The following PCDHB9 variants were observed in gnomAD, a reference collection of about 807,000 sequenced individuals.
PCDHB9 encodes the protein protocadherin beta 9, also known as protocadherin beta-9.
For synonymous variants in PCDHB9, 501 were observed against 439.7 expected (o/e 1.14, Z -1.75); for missense variants, 1,072 against 995.1 (o/e 1.08, Z -1.04).
In PCDHB9 at chr5:141,188,526, T is replaced by C; in HGVS notation, c.1208T>C (p.Leu403Pro). The C allele has an allele frequency of 6.2e-7, 1 of 1,614,198 alleles. No homozygotes were observed. The highest frequency in any genetic ancestry group is 8.5e-7 in the Non-Finnish European group (1 of 1,180,030). The change falls in exon 1 of 1, where the codon CTA becomes CCA. Residue 403 changes from leucine (L) to proline (P), a missense_variant. Coordinates refer to ENST00000316105, the MANE Select transcript of PCDHB9 (RefSeq NM_019119.5). ...CCGTCTGTTGACAATTTTTACATCC[T>C]AATGACTGAAGGTGCACTGGACAGA... is the stretch of plus-strand genomic sequence containing the variant. ...LKPSVDNFYILMTEGALDRES... is the reference protein window; with the variant it reads ...LKPSVDNFYIPMTEGALDRES...
At position 141,187,692 on chromosome 5, in the gene PCDHB9, A is replaced by T. The variant is rs1044151963; in HGVS notation, c.374A>T (p.Asp125Val). The change falls in exon 1 of 1, where the codon GAT (aspartate) becomes GTT (valine). Residue 125 changes from aspartate to valine, a missense_variant. Physicochemically the swap from Asp to Val is radical, Grantham distance 152. Coordinates refer to ENST00000316105, the MANE Select transcript of PCDHB9 (RefSeq NM_019119.5). ...QIYRAELRVRDINDHSPVFRH... is the reference protein window; with the variant it reads ...QIYRAELRVRVINDHSPVFRH... ...TACCGGGCTGAGCTGAGAGTCAGGGATATAAATGATCACTCGCCAGTGTTT... is the reference window on the plus strand; with the variant it reads ...TACCGGGCTGAGCTGAGAGTCAGGGTTATAAATGATCACTCGCCAGTGTTT... The T allele has an allele frequency of 2.5e-6, 4 of 1,614,058 alleles. No individual in the cohort carries two copies. The African/African-American group carries it at 5.3e-5, about 22-fold the overall frequency.
In PCDHB9 at chr5:141,189,396, C is replaced by T; in HGVS notation, c.2078C>T (p.Ala693Val). 6.2e-7 allele frequency: 1 copy of T among 1,611,682 alleles called. No individual in the cohort carries two copies. The highest frequency in any genetic ancestry group is 8.5e-7 in the Non-Finnish European group (1 of 1,179,844). The change falls in exon 1 of 1, where the codon GCG becomes GTG. Residue 693 changes from alanine (A) to valine (V), a missense_variant. By Grantham distance (64) the Ala-to-Val change is moderately conservative (BLOSUM62 0). Coordinates refer to ENST00000316105, the MANE Select transcript of PCDHB9 (RefSeq NM_019119.5). ...ADLLTVYLVV[A>V]LASVSSLFLL... Reference sequence around the variant, plus strand: ...TTGCTCACCGTCTACCTGGTGGTGGCGTTGGCCTCGGTGTCTTCGCTCTTC... The same window carrying T: ...TTGCTCACCGTCTACCTGGTGGTGGTGTTGGCCTCGGTGTCTTCGCTCTTC...
Position 141,187,809 on chromosome 5 carries a change from A to G in PCDHB9, c.491A>G (p.His164Arg), listed in dbSNP as rs1021621829. ...LERAQDPDEG[H>R]NSIQNYTISS... ...AGAGCACAGGATCCAGATGAAGGTC[A>G]TAACAGTATCCAAAACTACACGATC... Residue 164 changes from histidine to arginine, a missense_variant, in exon 1 of 1, where the codon CAT (histidine) becomes CGT (arginine). His to Arg is a conservative substitution (Grantham distance 29, BLOSUM62 0). Coordinates refer to ENST00000316105, the MANE Select transcript of PCDHB9 (RefSeq NM_019119.5). The G allele has an allele frequency of 6.2e-7, 1 of 1,614,206 alleles. No individual in the cohort carries two copies. The highest frequency in any genetic ancestry group is 8.5e-7 in the Non-Finnish European group (1 of 1,180,032).
Position 141,190,556 on chromosome 5 carries a change from G to A in PCDHB9, c.*844G>A, listed in dbSNP as rs1405975131. ...GATAGTTCCCTATTTGAAATATAAT[G>A]TTTCTCTTGTAAGTGATATGATAAA... On this transcript the variant is annotated 3_prime_UTR_variant, in exon 1 of 1. Transcript: ENST00000316105. 6.7e-6 allele frequency: 1 copy of A among 149,586 alleles called. No individual in the cohort carries two copies. The highest frequency in any genetic ancestry group is 1.5e-5 in the Non-Finnish European group (1 of 67,754). 9.3% of individuals were successfully genotyped at this position (149,586 alleles called of 1,614,324 possible). A position where few individuals can be genotyped will look rare whatever the true frequency, so the allele number is the denominator to read the frequency against.
In PCDHB9 at chr5:141,188,211, C is replaced by T; in HGVS notation, c.893C>T (p.Ser298Phe). Residue 298 changes from serine to phenylalanine, a missense_variant, in exon 1 of 1, where the codon TCT (serine) becomes TTT (phenylalanine). Coordinates refer to ENST00000316105, the MANE Select transcript of PCDHB9 (RefSeq NM_019119.5). Reference protein sequence around the residue: ...ILTTFQINPFSGEIFLRELLD... With the variant: ...ILTTFQINPFFGEIFLRELLD... ...ACAACGTTTCAAATCAATCCTTTTT[C>T]TGGGGAAATCTTTCTCAGAGAATTG... 12 of 1,611,740 alleles carry T rather than the reference C, an allele frequency of 7.4e-6. No individual in the cohort carries two copies. The highest frequency in any genetic ancestry group is 1.0e-5 in the Non-Finnish European group (12 of 1,179,078).
chr5:141,189,222 C>T lies in PCDHB9; in HGVS notation c.1904C>T (p.Ala635Val), dbSNP rs529686576. The change falls in exon 1 of 1, where the codon GCG (alanine) becomes GTG (valine). Residue 635 changes from alanine (A) to valine (V), a missense_variant. Ala to Val is a moderately conservative substitution (Grantham distance 64). Coordinates refer to ENST00000316105, the MANE Select transcript of PCDHB9 (RefSeq NM_019119.5). ...GCCAGGCTGCTGAGCGAGCGCGACG[C>T]GGCCAAGCACAGGCTGGTGGTGCTT... ...RTARLLSERD[A>V]AKHRLVVLVK... is the part of the protein sequence containing the mutation. The T allele has an allele frequency of 5.1e-5, 82 of 1,605,936 alleles. No homozygotes were observed. The highest frequency in any genetic ancestry group is 1.8e-4 in the Admixed American group (11 of 59,998).
Position 141,189,819 on chromosome 5 carries a change from C to A in PCDHB9, c.*107C>A. The A allele has an allele frequency of 9.8e-7, 1 of 1,015,320 alleles. No homozygotes were observed. The highest frequency in any genetic ancestry group is 1.4e-6 in the Non-Finnish European group (1 of 704,488). The allele number at this position is 1,015,320 out of a possible 1,614,324, so 62.9% of individuals were successfully genotyped here. On this transcript the variant is annotated 3_prime_UTR_variant, in exon 1 of 1. Transcript: ENST00000316105. ...AGGTACTATTTTTTGTTTGATTCAT[C>A]TTCAACTTTGCGTATTATGCTTAAC...
rs1554282910 is a variant in PCDHB9 at position 141,188,091 on chromosome 5, G to C, written c.773G>C (p.Gly258Ala). 1 of 1,613,590 alleles carries C rather than the reference G, an allele frequency of 6.2e-7. No individual in the cohort carries two copies. Among genetic ancestry groups the C allele is most frequent in the African/African-American group, 1.3e-5 (1 of 74,980 alleles). Residue 258 changes from glycine (G) to alanine (A), a missense_variant, in exon 1 of 1, where the codon GGG becomes GCG. Gly to Ala is a moderately conservative substitution (Grantham distance 60, BLOSUM62 0). Coordinates refer to ENST00000316105, the MANE Select transcript of PCDHB9 (RefSeq NM_019119.5). The part of the protein sequence containing the change: ...ETQAPENSPV[G>A]SLIVKVSAGD... ...CAGGCTCCAGAAAACAGTCCAGTAG[G>C]GTCCCTTATTGTTAAAGTGTCTGCA... is the stretch of plus-strand genomic sequence containing the variant.
In PCDHB9 at chr5:141,189,762, G is replaced by A. The variant is rs201337762; in HGVS notation, c.*50G>A. ...TTACTTCTTTAATATATTCTTGTTG[G>A]CTAACTAAATTGTGTATGCCCACCA... is the stretch of plus-strand genomic sequence containing the variant. On this transcript the variant is annotated 3_prime_UTR_variant, in exon 1 of 1. Transcript: ENST00000316105. The A allele has an allele frequency of 5.4e-6, 8 of 1,480,906 alleles. No homozygotes were observed. The African/African-American group carries it at 7.1e-5, about 13-fold the overall frequency. 91.7% of individuals were successfully genotyped at this position (1,480,906 alleles called of 1,614,324 possible).
Position 141,189,731 on chromosome 5 carries a change from AG to A in PCDHB9, c.*20del. On this transcript the variant is annotated 3_prime_UTR_variant, in exon 1 of 1. Coordinates refer to ENST00000316105, the MANE Select transcript of PCDHB9 (RefSeq NM_019119.5). ...TTATTGAAAGGAACCCACTTAATAA[AG>A]ACATTTACTTCTTTAATATATTCTT... 6.5e-7 allele frequency: 1 copy of A among 1,539,210 alleles called. No individual in the cohort carries two copies. The highest frequency in any genetic ancestry group is 8.8e-7 in the Non-Finnish European group (1 of 1,140,576).
At position 141,189,790 on chromosome 5, in the gene PCDHB9, A is replaced by G. The variant is rs1185289017; in HGVS notation, c.*78A>G. 1 of 1,256,494 alleles carries G rather than the reference A, an allele frequency of 8.0e-7. No individual in the cohort carries two copies. Among genetic ancestry groups the G allele is most frequent in the African/African-American group, 1.5e-5 (1 of 66,442 alleles). 77.8% of individuals were successfully genotyped at this position (1,256,494 alleles called of 1,614,324 possible). A position where few individuals can be genotyped will look rare whatever the true frequency, so the allele number is the denominator to read the frequency against. ...AACTAAATTGTGTATGCCCACCACA[A>G]AGAAGGTACTATTTTTTGTTTGATT... On this transcript the variant is annotated 3_prime_UTR_variant, in exon 1 of 1. Transcript: ENST00000316105.
chr5:141,188,578 C>T lies in PCDHB9; in HGVS notation c.1260C>T (p.Thr420=), dbSNP rs201206811. Residue 420 remains threonine (T), a synonymous_variant, in exon 1 of 1, where the codon ACC becomes ACT. Transcript: ENST00000316105. ...DRESKAEYNI[T]ITVTDLGTPR... The stretch of plus-strand genomic sequence containing the variant: ...AGAGCAAAGCTGAGTACAACATCAC[C>T]ATCACCGTCACTGACTTGGGGACAC... 3.3e-4 allele frequency: 528 copies of T among 1,614,140 alleles called. 1 individual carries two copies. The highest frequency in any genetic ancestry group is 3.0e-3 in the African/African-American group (222 of 75,008).
At position 141,189,342 on chromosome 5, in the gene PCDHB9, A is replaced by C. The variant is rs781993141; in HGVS notation, c.2024A>C (p.Glu675Ala). The C allele has an allele frequency of 1.2e-6, 2 of 1,611,222 alleles. No homozygotes were observed. Among genetic ancestry groups the C allele is most frequent in the Non-Finnish European group, 1.7e-6 (2 of 1,179,764 alleles). The change falls in exon 1 of 1, where the codon GAG becomes GCG. Residue 675 changes from glutamate to alanine, a missense_variant. Coordinates refer to ENST00000316105, the MANE Select transcript of PCDHB9 (RefSeq NM_019119.5). Reference sequence around the variant, plus strand: ...TCCCAGCCCTACCTGCCTCTCCCGGAGGCGGCCCCGGCCCAGGCCCAGGCC... The same window carrying C: ...TCCCAGCCCTACCTGCCTCTCCCGGCGGCGGCCCCGGCCCAGGCCCAGGCC... ...GFSQPYLPLP[E>A]AAPAQAQADL...
In PCDHB9 at chr5:141,187,429, G is replaced by A; in HGVS notation, c.111G>A (p.Glu37=). 6.2e-7 allele frequency: 1 copy of A among 1,613,970 alleles called. No homozygotes were observed. Among genetic ancestry groups the A allele is most frequent in the Non-Finnish European group, 8.5e-7 (1 of 1,179,986 alleles). ...GGTTTGGACGTTATTCGGTGACTGA[G>A]GAAACAGAGAAAGGATCCTTTGTGG... ...GSGFGRYSVT[E]ETEKGSFVVN... The change falls in exon 1 of 1, where the codon GAG becomes GAA. Residue 37 remains glutamate, a synonymous_variant. Coordinates refer to ENST00000316105, the MANE Select transcript of PCDHB9 (RefSeq NM_019119.5).
In PCDHB9 at chr5:141,188,899, C is replaced by T. The variant is rs782742809; in HGVS notation, c.1581C>T (p.Phe527=). Residue 527 remains phenylalanine (F), a synonymous_variant, in exon 1 of 1, where the codon TTC becomes TTT. Coordinates refer to ENST00000316105, the MANE Select transcript of PCDHB9 (RefSeq NM_019119.5). ...TGGACTACGAGGCCCTGCAGGCTTT[C>T]GACTTCCGCGTGGGCGCCTCAGACC... ...RSLDYEALQA[F]DFRVGASDRG... The T allele has an allele frequency of 1.2e-5, 20 of 1,612,416 alleles. No homozygotes were observed. Among genetic ancestry groups the T allele is most frequent in the African/African-American group, 1.2e-4 (9 of 74,998 alleles).
rs782782236 is a variant in PCDHB9, at chr5:141,187,299, C to G, written c.-20C>G. On this transcript the variant is annotated 5_prime_UTR_variant, in exon 1 of 1. Coordinates refer to ENST00000316105, the MANE Select transcript of PCDHB9 (RefSeq NM_019119.5). ...GCTGGGGCAGTGTGATTGAGACTGA[C>G]ATTGAGGAAAGAAGCAGCTATGAAG... 5.0e-6 allele frequency: 8 copies of G among 1,605,428 alleles called. No individual in the cohort carries two copies. In the African/African-American group the frequency reaches 9.4e-5, roughly 19 times the overall value.
Position 141,187,827 on chromosome 5 carries a change from A to G in PCDHB9, c.509A>G (p.Tyr170Cys), listed in dbSNP as rs1554282849. ...GAAGGTCATAACAGTATCCAAAACT[A>G]CACGATCAGCTCCAACTCTTTTTTC... The part of the protein sequence containing the change: ...PDEGHNSIQN[Y>C]TISSNSFFHI... Residue 170 changes from tyrosine (Y) to cysteine (C), a missense_variant, in exon 1 of 1, where the codon TAC becomes TGC. By Grantham distance (194) the Tyr-to-Cys change is radical. Transcript: ENST00000316105. The G allele has an allele frequency of 6.2e-7, 1 of 1,614,234 alleles. No homozygotes were observed.
chr5:141,187,274 G>C lies in PCDHB9; in HGVS notation c.-45G>C. 6.4e-7 allele frequency: 1 copy of C among 1,571,702 alleles called. No individual in the cohort carries two copies. The highest frequency in any genetic ancestry group is 8.7e-7 in the Non-Finnish European group (1 of 1,153,324). ...GTCTGGGTTTGCGATTGCTATTTGTGCTGGGGCAGTGTGATTGAGACTGAC... is the reference window on the plus strand; with the variant it reads ...GTCTGGGTTTGCGATTGCTATTTGTCCTGGGGCAGTGTGATTGAGACTGAC... On this transcript the variant is annotated 5_prime_UTR_variant, in exon 1 of 1. Transcript: ENST00000316105.
rs781958674 is a variant in PCDHB9, at chr5:141,189,154, C to T, written c.1836C>T (p.Pro612=). 1.2e-4 allele frequency: 200 copies of T among 1,601,230 alleles called. 3 individuals are homozygous for T. The Admixed American group carries it at 2.3e-3, about 19-fold the overall frequency. The change falls in exon 1 of 1, where the codon CCC becomes CCT. Residue 612 remains proline (P), a synonymous_variant. Coordinates refer to ENST00000316105, the MANE Select transcript of PCDHB9 (RefSeq NM_019119.5). ...LSYQLLKATE[P]GLFGVWAHNG... ...ACCAGCTGCTCAAGGCCACGGAGCC[C>T]GGGCTGTTCGGTGTGTGGGCGCACA...
Sources: allele counts gnomAD v4.1 joint callset, GRCh38; gene constraint gnomAD v4.1.1; transcripts MANE v1.5; gene names NCBI Gene and HGNC (gene_info 2026-07-23, HGNC 2026-07-21).